The following AGBL4 variants were observed in gnomAD, a reference collection of about 807,000 sequenced individuals.
The protein encoded by AGBL4 is AGBL carboxypeptidase 4, also known as cytosolic carboxypeptidase 6.
In AGBL4, 58 loss-of-function variants were observed where a neutral mutation model predicts 66.4. The observed-to-expected ratio is 0.87, with a 90% confidence interval of 0.71 to 1.09. The LOEUF (loss-of-function observed/expected upper bound fraction) is 1.09, where lower values mean the gene tolerates loss of function less well. AGBL4 is among the 50% of genes least tolerant of loss of function. The probability of loss-of-function intolerance (pLI) is 0.00; values close to 1 mark genes in which losing one functional copy is unlikely to be tolerated. For missense variants in AGBL4, 579 were observed against 631.0 expected (o/e 0.92, Z 0.88); for synonymous variants, 234 against 222.9 (o/e 1.05, Z -0.44).
intron 5 of AGBL4, among the ~76,000 whole-genome samples, chr1:48,951,785 T>TACA (rs909406313): frequency 6.6e-6 from 1 of 152,236 alleles, no homozygotes; most frequent in Non-Finnish European, 1.5e-5. Context: ...CTGAACTGAC[T>TACA]ACAACATTAC....
chr1:48,945,526 C>T (rs1275287243), intron 5 of AGBL4, among the ~76,000 whole-genome samples: 2 of 152,018 alleles, frequency 1.3e-5, no homozygotes, highest in Non-Finnish European at 2.9e-5. Flanking sequence ...GCCTTAGATC[C>T]AAATGATAAA....
chr1:49,022,565 C>A (rs114714021), intron 5 of AGBL4, among the ~76,000 whole-genome samples: 1,571 of 152,102 alleles, frequency 0.01, 24 homozygotes, highest in African/African-American at 0.036. Context: ...AGACCCACAT[C>A]CAGGACTGCT....
intron 6 of AGBL4, among the ~76,000 whole-genome samples, chr1:48,701,191 A>T (rs1646794814): frequency 6.6e-6 from 1 of 151,992 alleles, no homozygotes; most frequent in Non-Finnish European, 1.5e-5. Context: ...AGCCAGCCTT[A>T]GTCTTCCAGG....
At chr1:49,386,492 G>A (rs1644739786) in intron 3 of AGBL4, among the ~76,000 whole-genome samples, 1 of 151,882 alleles carries the variant, frequency 6.6e-6, no homozygotes, top group South Asian at 2.1e-4. Context: ...TTTAAAATGT[G>A]TATACGTAAG....
intron 3 of AGBL4, among the ~76,000 whole-genome samples, chr1:49,496,250 ATTTAT>A (rs1344391915): frequency 6.6e-6 from 1 of 151,898 alleles, no homozygotes; most frequent in African/African-American, 2.4e-5. Flanking sequence ...TTTTTCAATT[ATTTAT>A]TTTAATTGGC....
rs547881993 is a variant in AGBL4 at position 49,915,991 on chromosome 1, C to A, written c.35-64473G>T. 8.5e-5 allele frequency among the ~76,000 whole-genome samples: 13 copies of A among 152,280 alleles called. 1 individual carries two copies. In the South Asian group the frequency reaches 2.3e-3, roughly 27 times the overall value. ...GCAAACAGGGTCTGGAGTGGACCTCCAGCAAACTCCAACAGACCTTCAGCT... is the reference window on the plus strand; with the variant it reads ...GCAAACAGGGTCTGGAGTGGACCTCAAGCAAACTCCAACAGACCTTCAGCT... On this transcript the variant is annotated intron_variant, in intron 1 of 13. Coordinates refer to ENST00000371839, the MANE Select transcript of AGBL4 (RefSeq NM_032785.4).
intron 6 of AGBL4, chr1:48,758,947 T>C: frequency 6.3e-7 from 1 of 1,593,504 alleles, no homozygotes; most frequent in South Asian, 1.1e-5. Flanking sequence ...CCGGTTAAGG[T>C]CACGGAGCTC....
intron 5 of AGBL4, among the ~76,000 whole-genome samples, chr1:48,951,751 C>T (rs1428117504): frequency 6.6e-6 from 1 of 152,144 alleles, no homozygotes; most frequent in African/African-American, 2.4e-5. Flanking sequence ...ACTCACCCAC[C>T]CTATGGTATT....
At chr1:49,100,310 C>T (rs572550131) in intron 4 of AGBL4, among the ~76,000 whole-genome samples, 4 of 152,148 alleles carry the variant, frequency 2.6e-5, no homozygotes, top group Non-Finnish European at 5.9e-5. Flanking sequence ...ATGAATCAGC[C>T]GTTGGATGTA....
intron 1 of AGBL4, among the ~76,000 whole-genome samples, chr1:49,863,045 C>T (rs1213451936): frequency 1.3e-5 from 2 of 152,092 alleles, no homozygotes; most frequent in Non-Finnish European, 2.9e-5. Context: ...AAAAATTATA[C>T]TACAAAACTA....
intron 1 of AGBL4, among the ~76,000 whole-genome samples, chr1:49,907,105 G>A (rs1277761618): frequency 6.6e-6 from 1 of 152,030 alleles, no homozygotes; most frequent in Non-Finnish European, 1.5e-5. Flanking sequence ...CAAATGATGT[G>A]ATAAAAGTTC....
In AGBL4 at chr1:49,758,804, A is replaced by C. The variant is rs552317991; in HGVS notation, c.158-61367T>G. 3.3e-5 allele frequency among the ~76,000 whole-genome samples: 5 copies of C among 151,690 alleles called. No individual in the cohort carries two copies. The South Asian group carries it at 1.0e-3, about 32-fold the overall frequency. Reference sequence around the variant, plus strand: ...TTTTGAGTTAATGCTGGAATGACTTAGGACTTTAGGGGACTGTTGGGAAGG... The same window carrying C: ...TTTTGAGTTAATGCTGGAATGACTTCGGACTTTAGGGGACTGTTGGGAAGG... On this transcript the variant is annotated intron_variant, in intron 2 of 13. Transcript: ENST00000371839.
In AGBL4 at chr1:49,690,675, G is replaced by A. The variant is rs923321494; in HGVS notation, c.282+6638C>T. 5.9e-5 allele frequency among the ~76,000 whole-genome samples: 9 copies of A among 152,252 alleles called. No homozygotes were observed. In the East Asian group the frequency reaches 9.7e-4, roughly 16 times the overall value. On this transcript the variant is annotated intron_variant, in intron 3 of 13. Coordinates refer to ENST00000371839, the MANE Select transcript of AGBL4 (RefSeq NM_032785.4). ...ACTACTTATGACATTGAAGTGTTCC[G>A]TAAATTTTAGCTATTAATGTAATAA...
intron 4 of AGBL4, among the ~76,000 whole-genome samples, chr1:49,094,125 T>A (rs1645049044): frequency 6.6e-6 from 1 of 152,082 alleles, no homozygotes; most frequent in African/African-American, 2.4e-5. Flanking sequence ...GCAGAGCAAC[T>A]AGGATTCTCA....
intron 5 of AGBL4, among the ~76,000 whole-genome samples, chr1:49,002,827 C>G (rs1661494366): frequency 6.6e-6 from 1 of 152,136 alleles, no homozygotes; most frequent in Non-Finnish European, 1.5e-5. Flanking sequence ...AGTTTAACTC[C>G]CACTCCACTC....
chr1:49,577,754 A>G (rs1287162470), intron 3 of AGBL4, among the ~76,000 whole-genome samples: 1 of 152,204 alleles, frequency 6.6e-6, no homozygotes. Flanking sequence ...CATGTTCCTC[A>G]TTATCCTGAA....
chr1:50,017,368 A>C (rs1420073491), intron 1 of AGBL4: 1 of 152,044 alleles, frequency 6.6e-6, no homozygotes. Context: ...ACTAGCCCCT[A>C]TCTCGATTAT....
At chr1:49,480,468 A>C (rs1570821128) in intron 3 of AGBL4, among the ~76,000 whole-genome samples, 1 of 148,940 alleles carries the variant, frequency 6.7e-6, no homozygotes, top group Non-Finnish European at 1.5e-5. Flanking sequence ...TCCTTTGCCC[A>C]CTTTTTAATG....
intron 1 of AGBL4, among the ~76,000 whole-genome samples, chr1:49,935,538 G>T (rs545726967): frequency 1.3e-5 from 2 of 152,192 alleles, no homozygotes; most frequent in Admixed American, 1.3e-4. Flanking sequence ...CTCCTCAAGT[G>T]GGTCCCTAAC....
Sources: allele counts gnomAD v4.1 joint callset (sites outside exome capture counted in the v4.1 genomes callset), GRCh38; gene constraint gnomAD v4.1.1; transcripts MANE v1.5; gene names NCBI Gene and HGNC (gene_info 2026-07-23, HGNC 2026-07-21).